Variants in HEATR5A observed in about 807,000 individuals in gnomAD.
HEATR5A encodes HEAT repeat containing 5A, also known as HEAT repeat-containing protein 5A.
In HEATR5A, 178 loss-of-function variants were observed where a neutral mutation model predicts 218.8. The observed-to-expected ratio is 0.81, with a 90% confidence interval of 0.72 to 0.92. HEATR5A has a LOEUF of 0.92. HEATR5A is among the 40% of genes least tolerant of loss of function. The probability of loss-of-function intolerance (pLI) is 0.00; values close to 1 mark genes in which losing one functional copy is unlikely to be tolerated. For missense variants in HEATR5A, 2,420 were observed against 2,418.9 expected (o/e 1.00, Z -0.01); for synonymous variants, 864 against 871.6 (o/e 0.99, Z 0.15).
At chr14:31,369,706 T>C (rs540254272) in intron 13 of HEATR5A, among the ~76,000 whole-genome samples, 48 of 149,030 alleles carry the variant, frequency 3.2e-4, no homozygotes, top group Middle Eastern at 7.3e-3. Flanking sequence ...GGTGGGTTTA[T>C]CACCTGAGGT....
intron 22 of HEATR5A, among the ~76,000 whole-genome samples, chr14:31,336,520 T>C (rs1046687105): frequency 3.9e-5 from 6 of 152,058 alleles, no homozygotes; most frequent in East Asian, 1.9e-4. Context: ...GCTAATAGTT[T>C]CTTTGAATTC....
chr14:31,410,400 A>G (rs1328790806), intron 1 of HEATR5A, among the ~76,000 whole-genome samples: 1 of 152,224 alleles, frequency 6.6e-6, no homozygotes, highest in African/African-American at 2.4e-5. Context: ...GCTTTCATCT[A>G]GAAGGAAGCT....
In HEATR5A at chr14:31,386,813, G is replaced by T. The variant is rs1309844715; in HGVS notation, c.1190-238C>A. ...TCAGAGACCCCTTATTACTCCCTTAGCAAGTGGCACTGAGAGAGAGAACTC... is the reference window on the plus strand; with the variant it reads ...TCAGAGACCCCTTATTACTCCCTTATCAAGTGGCACTGAGAGAGAGAACTC... On this transcript the variant is annotated intron_variant, in intron 8 of 35. Transcript: ENST00000543095. Among the ~76,000 whole-genome samples, 8 of 152,100 alleles carry T rather than the reference G, an allele frequency of 5.3e-5. No homozygotes were observed. In the East Asian group the frequency reaches 1.2e-3, roughly 22 times the overall value.
At position 31,380,332 on chromosome 14, in the gene HEATR5A, C is replaced by G. The variant is rs114566421; in HGVS notation, c.1708+135G>C. ...AAAAGGCTTTTTAAGGTGACTACTA[C>G]AAGAAAAATGTTTGTGTGGCTATTT... On this transcript the variant is annotated intron_variant, in intron 11 of 35. Coordinates refer to ENST00000543095, the MANE Select transcript of HEATR5A (RefSeq NM_015473.4). 3,783 of 586,188 alleles carry G rather than the reference C, an allele frequency of 6.5e-3. 42 individuals are homozygous for G. Among genetic ancestry groups the G allele is most frequent in the African/African-American group, 0.038 (2,023 of 53,838 alleles). The allele number at this position is 586,188 out of a possible 1,614,324, so 36.3% of individuals were successfully genotyped here.
At chr14:31,361,966 A>C (rs965841273) in intron 14 of HEATR5A, among the ~76,000 whole-genome samples, 3 of 151,652 alleles carry the variant, frequency 2.0e-5, no homozygotes, top group African/African-American at 7.3e-5. Context: ...TTATTTATTT[A>C]TTTATTTATT....
At chr14:31,320,464 A>G (rs1900056757) in intron 25 of HEATR5A, 1 of 1,363,532 alleles carries the variant, frequency 7.3e-7, no homozygotes, top group Non-Finnish European at 1.0e-6. Flanking sequence ...GGGAGACAAC[A>G]CTGGTCTGGA....
intron 22 of HEATR5A, among the ~76,000 whole-genome samples, chr14:31,334,782 T>C (rs1451571291): frequency 1.3e-5 from 2 of 151,822 alleles, no homozygotes; most frequent in Non-Finnish European, 2.9e-5. Flanking sequence ...CTGTCTCTAC[T>C]AAAAATATAA....
At chr14:31,349,721 A>C (rs1901151341) in intron 18 of HEATR5A, 68 bp downstream of exon 18, 12 of 1,040,342 alleles carry the variant, frequency 1.2e-5, no homozygotes, top group Middle Eastern at 2.1e-4. Flanking sequence ...TACTAGTTCC[A>C]ACAAGCCAGA....
intron 16 of HEATR5A, among the ~76,000 whole-genome samples, chr14:31,355,157 T>C (rs991160746): frequency 1.3e-5 from 2 of 151,872 alleles, no homozygotes; most frequent in South Asian, 2.1e-4. Context: ...CTTACACCTG[T>C]AATCCCAGGA....
rs771756055 is a variant in HEATR5A at position 31,293,632 on chromosome 14, TA to T, written c.5834-21del. On this transcript the variant is annotated intron_variant, in intron 35 of 35. Transcript: ENST00000543095. ...GAGCGCCTAGAAAGTAAACAAATAATATAAGTTCAGTGACATAAATGTTTCT... is the reference window on the plus strand; with the variant it reads ...GAGCGCCTAGAAAGTAAACAAATAATTAAGTTCAGTGACATAAATGTTTCT... 6.4e-7 allele frequency: 1 copy of T among 1,574,106 alleles called. No homozygotes were observed. Among genetic ancestry groups the T allele is most frequent in the Non-Finnish European group, 8.6e-7 (1 of 1,163,628 alleles).
intron 1 of HEATR5A, among the ~76,000 whole-genome samples, chr14:31,413,834 T>C (rs1216580957): frequency 6.6e-6 from 1 of 152,212 alleles, no homozygotes. Flanking sequence ...TCCACATTCT[T>C]TCAACTACTT....
chr14:31,293,480 G>A lies in HEATR5A; in HGVS notation c.5966C>T (p.Pro1989Leu), dbSNP rs773086475. Residue 1989 changes from proline to leucine, a missense_variant, in exon 36 of 36, where the codon CCT becomes CTT. Pro to Leu is a moderately conservative substitution (Grantham distance 98, BLOSUM62 -3). Transcript: ENST00000543095. ...FALQNLMQIG[P>L]QYSSVFKSLV... is the part of the protein sequence containing the mutation. ...ACTTTTAAAAACAGATGAATACTGA[G>A]GTCCAATTTGCATGAGATTTTGTAG... The A allele has an allele frequency of 1.9e-6, 3 of 1,613,814 alleles. No homozygotes were observed. The highest frequency in any genetic ancestry group is 2.7e-5 in the African/African-American group (2 of 74,920).
intron 19 of HEATR5A, among the ~76,000 whole-genome samples, chr14:31,346,929 T>C (rs1901041521): frequency 1.3e-5 from 2 of 152,146 alleles, no homozygotes; most frequent in African/African-American, 4.8e-5. Context: ...CTGACAGAAA[T>C]AGGTAAGATA....
intron 11 of HEATR5A, among the ~76,000 whole-genome samples, chr14:31,375,661 C>G (rs1362558963): frequency 6.6e-6 from 1 of 152,138 alleles, no homozygotes; most frequent in Non-Finnish European, 1.5e-5. Context: ...TTCAGCCTCC[C>G]AAAGTGCTGG....
At chr14:31,349,638 TTTA>T in intron 18 of HEATR5A, 148 bp downstream of exon 18, 5 of 603,904 alleles carry the variant, frequency 8.3e-6, no homozygotes. Context: ...CCGGCCAATT[TTTA>T]TTTTCTTTCC....
At position 31,345,131 on chromosome 14, in the gene HEATR5A, C is replaced by A; in HGVS notation, c.3014G>T (p.Arg1005Leu). 1 of 1,613,786 alleles carries A rather than the reference C, an allele frequency of 6.2e-7. No homozygotes were observed. Residue 1005 changes from arginine (R) to leucine (L), a missense_variant, in exon 20 of 36, where the codon CGC becomes CTC. Physicochemically the swap from Arg to Leu is moderately radical, Grantham distance 102. Coordinates refer to ENST00000543095, the MANE Select transcript of HEATR5A (RefSeq NM_015473.4). ...THAEVHQSLG[R>L]CLNALITTLG... is the part of the protein sequence containing the mutation. The stretch of plus-strand genomic sequence containing the variant: ...CGTGGTAATAAGGGCATTCAAACAG[C>A]GACCAAGGCTTTGGTGAACTTCAGC...
chr14:31,332,557 T>G (rs1401472478), intron 22 of HEATR5A, among the ~76,000 whole-genome samples: 1 of 152,174 alleles, frequency 6.6e-6, no homozygotes, highest in Non-Finnish European at 1.5e-5. Flanking sequence ...AAAAGTTAAG[T>G]GTCTCTTAGG....
rs896954613 is a variant in HEATR5A at position 31,401,729 on chromosome 14, C to T, written c.126+1121G>A. On this transcript the variant is annotated intron_variant, in intron 2 of 35. Transcript: ENST00000543095. Reference sequence around the variant, plus strand: ...TACAGCATCTGAGTTACTAATCCTACACCTCCCTCATATATAGCTGCATAA... The same window carrying T: ...TACAGCATCTGAGTTACTAATCCTATACCTCCCTCATATATAGCTGCATAA... Among the ~76,000 whole-genome samples, 4 of 152,234 alleles carry T rather than the reference C, an allele frequency of 2.6e-5. No homozygotes were observed. In the East Asian group the frequency reaches 5.8e-4, roughly 22 times the overall value.
In HEATR5A at chr14:31,293,223, G is replaced by A. The variant is rs1377536965; in HGVS notation, c.*82C>T. The stretch of plus-strand genomic sequence containing the variant: ...ATCAACTAGACCTCTAAGGGCACTT[G>A]TGTCTACAATGTCCCTTTTGTCACC... On this transcript the variant is annotated 3_prime_UTR_variant, in exon 36 of 36. Coordinates refer to ENST00000543095, the MANE Select transcript of HEATR5A (RefSeq NM_015473.4). 1.9e-5 allele frequency: 21 copies of A among 1,094,558 alleles called. No homozygotes were observed. Among genetic ancestry groups the A allele is most frequent in the Non-Finnish European group, 2.8e-5 (21 of 757,642 alleles). 67.8% of individuals were successfully genotyped at this position (1,094,558 alleles called of 1,614,324 possible).
Sources: gnomAD v4.1 joint callset for allele counts (sites outside exome capture counted in the v4.1 genomes callset) on GRCh38, gnomAD v4.1.1 for gene constraint, MANE v1.5 for transcripts, NCBI Gene and HGNC (gene_info 2026-07-23, HGNC 2026-07-21) for gene names.